Variants in GREB1 observed in about 807,000 individuals in gnomAD.
GREB1 encodes the protein protein GREB1.
A neutral mutation model predicts 200.7 loss-of-function variants in GREB1; 106 were observed. The observed-to-expected ratio is 0.53, with a 90% CI of 0.45 to 0.62. The LOEUF is 0.62. GREB1 is among the 20% of genes least tolerant of loss of function. GREB1 has a pLI of 0.00. For synonymous variants in GREB1, 1,132 were observed against 1,092.4 expected (o/e 1.04, Z -0.72); for missense variants, 2,243 against 2,556.8 (o/e 0.88, Z 2.65).
chr2:11,598,910 G>A, intron 15 of GREB1, 50 bp downstream of exon 15: 1 of 1,412,598 alleles, frequency 7.1e-7, no homozygotes, highest in Non-Finnish European at 1.0e-6. Flanking sequence ...TCTTTGAAGT[G>A]ATGTATGTGG....
At chr2:11,610,379 C>T (rs961904201) in intron 17 of GREB1, among the ~76,000 whole-genome samples, 1 of 152,142 alleles carries the variant, frequency 6.6e-6, no homozygotes, top group Non-Finnish European at 1.5e-5. Context: ...GGCATTTATA[C>T]CATTTATTCA....
intron 25 of GREB1, among the ~76,000 whole-genome samples, chr2:11,628,065 C>T (rs969704856): frequency 6.6e-6 from 1 of 151,998 alleles, no homozygotes; most frequent in African/African-American, 2.4e-5. Context: ...GGAGGGCAGG[C>T]AGAGGCCAGA....
intron 10 of GREB1, chr2:11,591,550 A>C: frequency 7.3e-6 from 5 of 684,366 alleles, no homozygotes; most frequent in East Asian, 2.7e-5. Context: ...AATAACCCAA[A>C]TGATGGTACC....
intron 17 of GREB1, among the ~76,000 whole-genome samples, chr2:11,606,595 C>T (rs1222335249): frequency 2.0e-5 from 3 of 151,942 alleles, no homozygotes; most frequent in African/African-American, 7.2e-5. Flanking sequence ...TTTCTTTTGA[C>T]TAGTGTTACT....
chr2:11,626,784 G>A (rs559612172), intron 24 of GREB1, among the ~76,000 whole-genome samples, 178 bp from the exon 25 acceptor site: 11 of 152,234 alleles, frequency 7.2e-5, no homozygotes, highest in East Asian at 1.9e-4. Flanking sequence ...GTGGCCCTTC[G>A]TTGTCTCCTT....
chr2:11,552,665 G>C (rs140236269), intron 1 of GREB1, among the ~76,000 whole-genome samples: 1,823 of 152,292 alleles, frequency 0.012, 18 homozygotes, highest in Middle Eastern at 0.034. Context: ...CACTGCCATG[G>C]TATCTAGAAA....
chr2:11,520,484 A>G (rs1361560599), intron 1 of GREB1, among the ~76,000 whole-genome samples: 1 of 152,150 alleles, frequency 6.6e-6, no homozygotes, highest in Non-Finnish European at 1.5e-5. Context: ...AAGGCCTATC[A>G]GCTGCTGGCC....
At chr2:11,572,512 G>A (rs1456898001) in intron 4 of GREB1, among the ~76,000 whole-genome samples, 2 of 152,164 alleles carry the variant, frequency 1.3e-5, no homozygotes, top group African/African-American at 4.8e-5. Flanking sequence ...GGTCCTAGAA[G>A]GAGGCATAGG....
intron 26 of GREB1, among the ~76,000 whole-genome samples, chr2:11,631,100 C>G (rs1032894213): frequency 6.6e-6 from 1 of 152,182 alleles, no homozygotes; most frequent in African/African-American, 2.4e-5. Flanking sequence ...TGGGGTTTCT[C>G]CACCACTCCA....
At chr2:11,638,944 T>G in intron 32 of GREB1, 135 bp downstream of exon 32, 1 of 879,166 alleles carries the variant, frequency 1.1e-6, no homozygotes. Flanking sequence ...AGTGACTGCC[T>G]CAGCCACCCA....
intron 21 of GREB1, 138 bp downstream of exon 21, chr2:11,616,858 G>C (rs1199906527): frequency 1.5e-6 from 1 of 645,274 alleles, no homozygotes; most frequent in African/African-American, 1.8e-5. Context: ...AATCTTTGAA[G>C]TGCTAGACTC....
rs1683707934 is a variant in GREB1 at position 11,618,524 on chromosome 2, T to C, written c.3649T>C (p.Ser1217Pro). The C allele has an allele frequency of 1.2e-6, 2 of 1,612,084 alleles. No homozygotes were observed. The highest frequency in any genetic ancestry group is 3.3e-5 in the Admixed American group (2 of 59,928). ...GAGGAGCGTCCAGGTGTCGGTCACC[T>C]CGTCGTGCTCCCAGCTGTCCTCCTC... Reference protein sequence around the residue: ...GQRSVQVSVTSSCSQLSSSSG... With the variant: ...GQRSVQVSVTPSCSQLSSSSG... The change falls in exon 22 of 33, where the codon TCG becomes CCG. Residue 1217 changes from serine to proline, a missense_variant. Around this residue, in one of 3 missense-constraint regions of GREB1, gnomAD observed 587 missense variants for 553.1 expected, o/e 1.06. Transcript: ENST00000381486.
intron 1 of GREB1, among the ~76,000 whole-genome samples, chr2:11,495,796 GTTT>G (rs71393887): frequency 8.0e-5 from 11 of 136,974 alleles, no homozygotes; most frequent in African/African-American, 1.6e-4. Context: ...AAGTCCCCCC[GTTT>G]TTTTTTTTTT....
chr2:11,545,899 C>T (rs111740533), intron 1 of GREB1, among the ~76,000 whole-genome samples: 3,507 of 152,258 alleles, frequency 0.023, 137 homozygotes, highest in African/African-American at 0.08. Flanking sequence ...CAAAGATAGC[C>T]GGGCGCGGTG....
intron 1 of GREB1, among the ~76,000 whole-genome samples, chr2:11,500,664 A>G (rs377689725): frequency 2.0e-5 from 3 of 152,232 alleles, no homozygotes; most frequent in East Asian, 1.9e-4. Context: ...TACTTGATTT[A>G]CAGGAAAGGC....
intron 7 of GREB1, among the ~76,000 whole-genome samples, chr2:11,583,000 A>G (rs904607689): frequency 6.6e-5 from 10 of 152,106 alleles, no homozygotes; most frequent in Non-Finnish European, 1.0e-4. Context: ...AGGATGCACA[A>G]TGTCCCGCAC....
chr2:11,562,821 A>C (rs1572712783), intron 3 of GREB1: 1 of 374,652 alleles, frequency 2.7e-6, no homozygotes, highest in South Asian at 5.6e-5. Flanking sequence ...CCTCTGTGCC[A>C]CTCTTTGGAC....
At chr2:11,505,254 T>C (rs1295933619) in intron 1 of GREB1, among the ~76,000 whole-genome samples, 1 of 152,014 alleles carries the variant, frequency 6.6e-6, no homozygotes, top group Non-Finnish European at 1.5e-5. Flanking sequence ...TCTACCGAGA[T>C]GGGGACTGCG....
At chr2:11,575,158 G>A (rs1389123979) in intron 4 of GREB1, among the ~76,000 whole-genome samples, 1 of 152,236 alleles carries the variant, frequency 6.6e-6, no homozygotes, top group African/African-American at 2.4e-5. Context: ...GGCCCTCACG[G>A]CCTAAGGCAC....
Sources: allele counts gnomAD v4.1 joint callset (sites outside exome capture counted in the v4.1 genomes callset), GRCh38; gene constraint gnomAD v4.1.1; regional missense constraint gnomAD v4.1.1; transcripts MANE v1.5; gene names NCBI Gene and HGNC (gene_info 2026-07-23, HGNC 2026-07-21).